The following SCLT1 variants were observed in gnomAD, a reference collection of about 807,000 sequenced individuals.
The protein encoded by SCLT1 is sodium channel-associated protein 1.
A neutral mutation model predicts 112.8 loss-of-function variants in SCLT1; 78 were observed. The ratio of observed to expected loss-of-function variants is 0.69; its 90% CI spans 0.58 to 0.83. The LOEUF is 0.83. Among genes scored for constraint, SCLT1 ranks in the 40% least tolerant of loss-of-function variants. The pLI is 0.00. For missense variants in SCLT1, 747 were observed against 770.4 expected, an observed-to-expected ratio of 0.97 and a Z score of 0.36; for synonymous variants, 257 against 254.7, an observed-to-expected ratio of 1.01 and a Z score of -0.09.
At chr4:128,894,852 A>G (rs1266077047) in intron 18 of SCLT1, among the ~76,000 whole-genome samples, 2 of 151,962 alleles carry the variant, frequency 1.3e-5, no homozygotes, top group African/African-American at 4.8e-5. Context: ...TAATTTTTGT[A>G]TTTTTAGTAG....
chr4:129,082,689 C>T, intron 1 of SCLT1, among the ~76,000 whole-genome samples: 1 of 152,120 alleles, frequency 6.6e-6, no homozygotes, highest in East Asian at 1.9e-4. Context: ...AATATATTCT[C>T]CACATCTTAT....
intron 18 of SCLT1, among the ~76,000 whole-genome samples, chr4:128,893,784 G>A (rs989639200): frequency 5.9e-5 from 9 of 152,260 alleles, no homozygotes; most frequent in Middle Eastern, 3.4e-3. Context: ...CTCGTGAGCC[G>A]CCCTCCTCGG....
chr4:128,882,087 A>G (rs1288440731), downstream of SCLT1, among the ~76,000 whole-genome samples: 1 of 152,326 alleles, frequency 6.6e-6, no homozygotes, highest in Admixed American at 6.5e-5. Flanking sequence ...TTGAAAAAGT[A>G]TAATAATATA....
chr4:128,923,639 G>GTT (rs35752012), intron 18 of SCLT1, among the ~76,000 whole-genome samples: 69 of 149,808 alleles, frequency 4.6e-4, no homozygotes, highest in East Asian at 4.5e-3. Context: ...TTCTATATCT[G>GTT]TTTTTTTTTC....
intron 18 of SCLT1, among the ~76,000 whole-genome samples, chr4:128,900,147 A>G (rs1040517454): frequency 3.3e-5 from 5 of 152,218 alleles, no homozygotes; most frequent in African/African-American, 1.2e-4. Flanking sequence ...GCTACCAATG[A>G]CTTTCTTCAC....
At chr4:129,078,090 G>A (rs952939647) in intron 2 of SCLT1, among the ~76,000 whole-genome samples, 1 of 152,162 alleles carries the variant, frequency 6.6e-6, no homozygotes, top group Non-Finnish European at 1.5e-5. Flanking sequence ...TAGGAATCAA[G>A]ATTTGGTTGC....
At chr4:129,033,181 G>T (rs943796312) in intron 5 of SCLT1, among the ~76,000 whole-genome samples, 1 of 152,082 alleles carries the variant, frequency 6.6e-6, no homozygotes, top group Admixed American at 6.6e-5. Flanking sequence ...ATGAGTTCAT[G>T]TCCTTTGCAG....
Sources: allele counts gnomAD v4.1 joint callset (sites outside exome capture counted in the v4.1 genomes callset), GRCh38; gene constraint gnomAD v4.1.1; transcripts MANE v1.5; gene names NCBI Gene and HGNC (gene_info 2026-07-23, HGNC 2026-07-21).